GFUS: variants seen among roughly 807,000 people sequenced by gnomAD.
GFUS encodes the protein 3-5 epimerase/4-reductase.
GFUS carries 42 observed loss-of-function variants against 41.5 expected under a neutral mutation model. The observed-to-expected ratio is 1.01, with a 90% CI of 0.79 to 1.31. The LOEUF (loss-of-function observed/expected upper bound fraction) is 1.31. Among genes scored for constraint, GFUS ranks in the 50% most tolerant of loss-of-function variants. The probability of loss-of-function intolerance (pLI) is 0.00; values close to 1 mark genes in which losing one functional copy is unlikely to be tolerated. For synonymous variants in GFUS, 188 were observed against 173.4 expected (o/e 1.08, Z -0.66); for missense variants, 437 against 428.7 (o/e 1.02, Z -0.17).
At chr8:143,613,876 C>A in intron 7 of GFUS, 59 bp from the exon 8 acceptor site, 1 of 1,526,794 alleles carries the variant, frequency 6.5e-7, no homozygotes, top group Admixed American at 2.0e-5. Flanking sequence ...CTCCCAAACG[C>A]CCCTGCTGGG....
At chr8:143,613,933 CA>C in intron 7 of GFUS, 116 bp from the exon 8 acceptor site, 1 of 1,261,714 alleles carries the variant, frequency 7.9e-7, no homozygotes, top group East Asian at 2.5e-5. Context: ...GCCTGGGGAA[CA>C]GGGGTCCCTC....
In GFUS at chr8:143,616,163, A is replaced by G. The variant is rs1829719547; in HGVS notation, c.204T>C (p.His68=). Residue 68 remains histidine, a synonymous_variant, in exon 3 of 11, where the codon CAT becomes CAC. Transcript: ENST00000425753. ...FEKVQPTHVI[H]LAAMVGGLFR... The stretch of plus-strand genomic sequence containing the variant: ...ACAGGCCCCCCACCATTGCAGCAAG[A>G]TGGATGACGTGTGTGGGTTGGACCT... The G allele has an allele frequency of 3.1e-6, 5 of 1,613,306 alleles. No homozygotes were observed. The highest frequency in any genetic ancestry group is 4.2e-6 in the Non-Finnish European group (5 of 1,179,618).
intron 7 of GFUS, 28 bp downstream of exon 7, chr8:143,614,136 G>T: frequency 6.2e-7 from 1 of 1,611,174 alleles, no homozygotes. Flanking sequence ...CAGGTTCTCT[G>T]GGGAGAGCTG....
In GFUS at chr8:143,612,947, G is replaced by A. The variant is rs748575427; in HGVS notation, c.929C>T (p.Ala310Val). 1 of 1,610,808 alleles carries A rather than the reference G, an allele frequency of 6.2e-7. No homozygotes were observed. Among genetic ancestry groups the A allele is most frequent in the East Asian group, 2.2e-5 (1 of 44,730 alleles). The stretch of plus-strand genomic sequence containing the variant: ...CTGCTCGTAGTTGTCAGTGAACCAA[G>A]CACAGGTCTCCTTCACCGCTGCAGA... ...PFKQAVKETC[A>V]WFTDNYEQAR... Residue 310 changes from alanine (A) to valine (V), a missense_variant, in exon 11 of 11, where the codon GCT (alanine) becomes GTT (valine). By Grantham distance (64) the Ala-to-Val change is moderately conservative (BLOSUM62 0). Transcript: ENST00000425753.
chr8:143,615,169 G>A (rs1312936810), intron 3 of GFUS, among the ~76,000 whole-genome samples: 1 of 152,168 alleles, frequency 6.6e-6, no homozygotes, highest in East Asian at 1.9e-4. Flanking sequence ...TCAGGGCTGG[G>A]CCCCACCCAG....
chr8:143,614,542 G>C, intron 5 of GFUS, 82 bp downstream of exon 5: 1 of 1,558,206 alleles, frequency 6.4e-7, no homozygotes, highest in Non-Finnish European at 8.7e-7. Flanking sequence ...CTGGCACGAA[G>C]ACCCGACCAG....
In GFUS at chr8:143,613,697, A is replaced by G. The variant is rs6558377; in HGVS notation, c.730+54T>C. 1 allele frequency: 1,562,506 copies of G among 1,563,276 alleles called. 780,871 individuals are homozygous for G. Among genetic ancestry groups the G allele is most frequent in the East Asian group, 1 (41,439 of 41,440 alleles). On this transcript the variant is annotated intron_variant, in intron 8 of 10. Transcript: ENST00000425753. Reference sequence around the variant, plus strand: ...ACCCCTCAGCCAGCCTCCCAGGACAACCTTGGATCCTGTCCTACCATGGAG... The same window carrying G: ...ACCCCTCAGCCAGCCTCCCAGGACAGCCTTGGATCCTGTCCTACCATGGAG...
At position 143,614,724 on chromosome 8, in the gene GFUS, G is replaced by A. The variant is rs1387787248; in HGVS notation, c.391-27C>T. On this transcript the variant is annotated intron_variant, in intron 4 of 10. Coordinates refer to ENST00000425753, the MANE Select transcript of GFUS (RefSeq NM_003313.4). Reference sequence around the variant, plus strand: ...TGCGGGCGTGGGAGAGGCAGAGGCCGCTACTTCCTGGCCCTGCCCACCGGC... The same window carrying A: ...TGCGGGCGTGGGAGAGGCAGAGGCCACTACTTCCTGGCCCTGCCCACCGGC... The A allele has an allele frequency of 7.4e-6, 12 of 1,612,920 alleles. No individual in the cohort carries two copies. In the African/African-American group the frequency reaches 8.0e-5, roughly 11 times the overall value.
At chr8:143,615,029 C>T (rs927484338) in intron 3 of GFUS, 114 bp from the exon 4 acceptor site, 2 of 1,456,354 alleles carry the variant, frequency 1.4e-6, no homozygotes, top group Admixed American at 2.4e-5. Context: ...CTGGGAGGAC[C>T]CAAGCCTGCC....
chr8:143,614,102 G>A, intron 7 of GFUS, 62 bp downstream of exon 7: 1 of 1,600,632 alleles, frequency 6.2e-7, no homozygotes, highest in South Asian at 1.1e-5. Context: ...AGCCCAGCAG[G>A]GGCCAGCCCA....
chr8:143,614,760 C>A (rs377196048), intron 4 of GFUS, 27 bp downstream of exon 4: 1 of 1,613,328 alleles, frequency 6.2e-7, no homozygotes, highest in Non-Finnish European at 8.5e-7. Context: ...TCCCCGGCCC[C>A]ACCCACAGCC....
At position 143,614,705 on chromosome 8, in the gene GFUS, C is replaced by T. The variant is rs375535808; in HGVS notation, c.391-8G>A. 2.2e-5 allele frequency: 36 copies of T among 1,612,942 alleles called. No homozygotes were observed. Among genetic ancestry groups the T allele is most frequent in the Non-Finnish European group, 2.7e-5 (32 of 1,179,616 alleles). On this transcript the variant is annotated splice_region_variant and splice_polypyrimidine_tract_variant and intron_variant, in intron 4 of 10. Coordinates refer to ENST00000425753, the MANE Select transcript of GFUS (RefSeq NM_003313.4). ...GGGAGGCCCATTGTGGATCTGCGGG[C>T]GTGGGAGAGGCAGAGGCCGCTACTT...
Position 143,614,887 on chromosome 8 carries a change from A to C in GFUS, c.290T>G (p.Val97Gly). ...WRKNVHMNDN[V>G]LHSAFEVGAR... ...GCCCACCTCAAAGGCCGAGTGCAGGACGTTGTCGTTCATGTGCACGTTTTT... is the reference window on the plus strand; with the variant it reads ...GCCCACCTCAAAGGCCGAGTGCAGGCCGTTGTCGTTCATGTGCACGTTTTT... Residue 97 changes from valine to glycine, a missense_variant, in exon 4 of 11, where the codon GTC (valine) becomes GGC (glycine). Physicochemically the swap from Val to Gly is moderately radical, Grantham distance 109. Transcript: ENST00000425753. The C allele has an allele frequency of 6.2e-7, 1 of 1,612,096 alleles. No homozygotes were observed. Among genetic ancestry groups the C allele is most frequent in the Non-Finnish European group, 8.5e-7 (1 of 1,178,798 alleles).
rs183332045 is a variant in GFUS, at chr8:143,616,297, G to T, written c.147-77C>A. On this transcript the variant is annotated intron_variant, in intron 2 of 10. Transcript: ENST00000425753. ...GTTGGGTGCCAAGTGCAGGAACTGG[G>T]TGGGACTATGGCAGGAGGGACAGTC... 6.9e-3 allele frequency: 9,649 copies of T among 1,405,750 alleles called. 47 individuals are homozygous for T. The highest frequency in any genetic ancestry group is 7.4e-3 in the Non-Finnish European group (7,378 of 990,916). The allele number at this position is 1,405,750 out of a possible 1,614,324, so 87.1% of individuals were successfully genotyped here.
intron 8 of GFUS, 23 bp downstream of exon 8, chr8:143,613,728 G>A (rs1406356488): frequency 6.4e-7 from 1 of 1,550,610 alleles, no homozygotes; most frequent in South Asian, 1.2e-5. Flanking sequence ...TGGAGGAAGG[G>A]GGCTGAGGGC....
rs1829716968 is a variant in GFUS at position 143,616,088 on chromosome 8, G to A, written c.261+18C>T. The A allele has an allele frequency of 1.3e-6, 2 of 1,547,744 alleles. No individual in the cohort carries two copies. Among genetic ancestry groups the A allele is most frequent in the Non-Finnish European group, 1.8e-6 (2 of 1,140,048 alleles). The stretch of plus-strand genomic sequence containing the variant: ...GGGATCCTGGTTTCCAGTGCTTGCT[G>A]GGGCCACCCTCACTTACCCAGAAGT... On this transcript the variant is annotated intron_variant, in intron 3 of 10. Coordinates refer to ENST00000425753, the MANE Select transcript of GFUS (RefSeq NM_003313.4).
At chr8:143,614,129 G>A (rs550762217) in intron 7 of GFUS, 35 bp downstream of exon 7, 1 of 1,610,446 alleles carries the variant, frequency 6.2e-7, no homozygotes. Context: ...AATAGGGCAG[G>A]TTCTCTGGGG....
At chr8:143,615,875 G>A in intron 3 of GFUS, 1 of 462,140 alleles carries the variant, frequency 2.2e-6, no homozygotes, top group East Asian at 3.4e-5. Flanking sequence ...CCACAGCTTT[G>A]CCTACTGGGC....
In GFUS at chr8:143,614,242, G is replaced by A. The variant is rs779057309; in HGVS notation, c.599-14C>T. 1 of 1,613,766 alleles carries A rather than the reference G, an allele frequency of 6.2e-7. No homozygotes were observed. Among genetic ancestry groups the A allele is most frequent in the Non-Finnish European group, 8.5e-7 (1 of 1,180,014 alleles). On this transcript the variant is annotated splice_polypyrimidine_tract_variant and intron_variant, in intron 6 of 10. Transcript: ENST00000425753. ...CCGAGCCGCTGCCTGCAGATTTGGG[G>A]AAGGAGCAGGTGTCAGAGGCACTGG...
Sources: gnomAD v4.1 joint callset for allele counts (sites outside exome capture counted in the v4.1 genomes callset) on GRCh38, gnomAD v4.1.1 for gene constraint, MANE v1.5 for transcripts, NCBI Gene and HGNC (gene_info 2026-07-23, HGNC 2026-07-21) for gene names.